Variants in POLA1 observed in about 807,000 individuals in gnomAD.
POLA1 encodes DNA polymerase alpha catalytic subunit.
POLA1 carries 15 observed loss-of-function variants against 124.0 expected under a neutral mutation model. That is an observed-to-expected ratio of 0.12 (90% CI 0.08 to 0.19). POLA1 has a LOEUF of 0.19. Ranked by LOEUF, POLA1 falls within the 10% of genes least tolerant of loss-of-function variation. POLA1 has a pLI of 1.00. For missense variants in POLA1, 886 were observed against 1,103.4 expected (o/e 0.80, Z 2.79); for synonymous variants, 408 against 389.4 (o/e 1.05, Z -0.56).
chrX:24,868,838 C>T (rs2046828443), intron 34 of POLA1, among the ~76,000 whole-genome samples: 1 of 111,933 alleles, frequency 8.9e-6, no homozygotes, highest in South Asian at 3.8e-4. Flanking sequence ...CCACAGCATT[C>T]GGATAAAAAT....
chrX:24,882,190 G>C (rs1262051463), intron 34 of POLA1, among the ~76,000 whole-genome samples: 1 of 110,512 alleles, frequency 9.0e-6, no homozygotes, highest in Non-Finnish European at 1.9e-5. Context: ...GAGAGGGGAA[G>C]GGCCCACTAT....
At chrX:24,950,487 A>G (rs759592682) in intron 36 of POLA1, among the ~76,000 whole-genome samples, 3 of 112,346 alleles carry the variant, frequency 2.7e-5, no homozygotes, top group Non-Finnish European at 3.8e-5. Context: ...TCTTTATTTA[A>G]CAGTCTTATT....
chrX:24,756,511 C>T (rs1322212376), intron 26 of POLA1, among the ~76,000 whole-genome samples: 1 of 108,334 alleles, frequency 9.2e-6, no homozygotes, highest in Non-Finnish European at 1.9e-5. Context: ...TGCACTGAGC[C>T]GAGACCGCAT....
chrX:24,933,995 C>T (rs1023602886), intron 36 of POLA1, among the ~76,000 whole-genome samples: 22 of 111,822 alleles, frequency 2.0e-4, no homozygotes, highest in African/African-American at 6.2e-4. Context: ...GTAACTGCTC[C>T]AGAATGTACA....
At chrX:24,801,924 G>GTGTGTGTGTGTGTGTGTGTGTGTGT (rs2045713434) in intron 26 of POLA1, among the ~76,000 whole-genome samples, 3 of 74,544 alleles carry the variant, frequency 4.0e-5, no homozygotes, top group East Asian at 4.8e-4. Flanking sequence ...GAGGTGGGTG[G>GTGTGTGTGTGTGTGTGTGTGTGTGT]GTGTGTGTGT....
chrX:24,828,692 C>G lies in POLA1; in HGVS notation c.3736+2091C>G, dbSNP rs760321816. Reference sequence around the variant, plus strand: ...CTTTGGTTTTGAATTTTTTGGTGACCCAGCACTGAGAGGAGGTAGATGGAA... The same window carrying G: ...CTTTGGTTTTGAATTTTTTGGTGACGCAGCACTGAGAGGAGGTAGATGGAA... On this transcript the variant is annotated intron_variant, in intron 32 of 36. Coordinates refer to ENST00000379068, the MANE Select transcript of POLA1 (RefSeq NM_001330360.2). Among the ~76,000 whole-genome samples, 9 of 111,246 alleles carry G rather than the reference C, an allele frequency of 8.1e-5. 1 individual carries two copies. Among genetic ancestry groups the G allele is most frequent in the Non-Finnish European group, 1.5e-4 (8 of 53,034 alleles).
intron 36 of POLA1, among the ~76,000 whole-genome samples, chrX:24,973,294 G>C (rs1429993477): frequency 9.0e-6 from 1 of 111,257 alleles, no homozygotes; most frequent in African/African-American, 3.3e-5. Flanking sequence ...GAACCCAGGA[G>C]GCGGGGTTTG....
chrX:24,724,527 T>C, intron 12 of POLA1, 76 bp downstream of exon 12: 1 of 521,130 alleles, frequency 1.9e-6, no homozygotes, highest in Non-Finnish European at 3.2e-6. Flanking sequence ...TTATTGCATA[T>C]TTTCTTTGTG....
intron 32 of POLA1, among the ~76,000 whole-genome samples, chrX:24,828,450 TA>T (rs2046209246): frequency 8.9e-6 from 1 of 111,985 alleles, no homozygotes; most frequent in African/African-American, 3.2e-5. Flanking sequence ...TTCTTAGCTC[TA>T]AAAGGCTATG....
intron 4 of POLA1, among the ~76,000 whole-genome samples, chrX:24,711,560 TC>T (rs1446646707): frequency 1.8e-5 from 2 of 112,236 alleles, no homozygotes; most frequent in Non-Finnish European, 3.8e-5. Context: ...CAGAGAAAAT[TC>T]CCAGAAGTGG....
chrX:24,794,847 G>A (rs2045576968), intron 26 of POLA1, among the ~76,000 whole-genome samples: 1 of 109,584 alleles, frequency 9.1e-6, no homozygotes, highest in Admixed American at 9.7e-5. Flanking sequence ...TTCTCAAAAG[G>A]GTGTCTTCGG....
intron 26 of POLA1, among the ~76,000 whole-genome samples, chrX:24,766,707 G>A (rs1478863474): frequency 9.0e-6 from 1 of 111,414 alleles, no homozygotes; most frequent in Non-Finnish European, 1.9e-5. Context: ...TCAGCTGTGG[G>A]CTCCTTCCAC....
intron 36 of POLA1, among the ~76,000 whole-genome samples, chrX:24,990,697 C>T (rs1307243199): frequency 8.9e-6 from 1 of 111,951 alleles, no homozygotes; most frequent in Non-Finnish European, 1.9e-5. Flanking sequence ...TGTTAGATAC[C>T]GCTGAAGCTG....
intron 4 of POLA1, among the ~76,000 whole-genome samples, chrX:24,710,038 C>T (rs1445797174): frequency 7.8e-5 from 8 of 102,432 alleles, no homozygotes; most frequent in East Asian, 6.4e-4. Context: ...CCAAGGCAGG[C>T]GGCTGCTCCT....
chrX:24,970,676 G>A (rs1452563277), intron 36 of POLA1, among the ~76,000 whole-genome samples: 1 of 112,162 alleles, frequency 8.9e-6, no homozygotes, highest in Non-Finnish European at 1.9e-5. Context: ...ATACATATAT[G>A]TGCCAAAAGA....
intron 3 of POLA1, among the ~76,000 whole-genome samples, chrX:24,704,037 T>G (rs373652578): frequency 8.9e-6 from 1 of 112,217 alleles, no homozygotes; most frequent in East Asian, 2.8e-4. Context: ...CCTTGTAGAC[T>G]GGGATATCTC....
intron 34 of POLA1, among the ~76,000 whole-genome samples, chrX:24,855,588 C>T (rs1345954044): frequency 1.8e-5 from 2 of 111,935 alleles, no homozygotes; most frequent in Non-Finnish European, 3.8e-5. Context: ...AAAATTCTAA[C>T]ATTTCCATTG....
intron 32 of POLA1, among the ~76,000 whole-genome samples, chrX:24,836,975 A>G (rs991367746): frequency 4.5e-5 from 5 of 111,814 alleles, no homozygotes; most frequent in African/African-American, 1.6e-4. Flanking sequence ...CAAAGTTTTG[A>G]CTGCAACTCA....
intron 26 of POLA1, among the ~76,000 whole-genome samples, chrX:24,761,620 A>G (rs1345043983): frequency 8.9e-6 from 1 of 112,185 alleles, no homozygotes; most frequent in Non-Finnish European, 1.9e-5. Flanking sequence ...ACTGCATGGC[A>G]CGATGTGATG....
Sources: gnomAD v4.1 joint callset for allele counts (sites outside exome capture counted in the v4.1 genomes callset) on GRCh38, gnomAD v4.1.1 for gene constraint, MANE v1.5 for transcripts, NCBI Gene and HGNC (gene_info 2026-07-23, HGNC 2026-07-21) for gene names.